Variants in MYOZ2 observed in about 807,000 individuals in gnomAD.
MYOZ2 encodes myozenin-2.
In MYOZ2, 19 loss-of-function variants were observed where a neutral mutation model predicts 25.4. That is an observed-to-expected ratio of 0.75 (90% CI 0.52 to 1.10). The LOEUF (loss-of-function observed/expected upper bound fraction) is 1.10. MYOZ2 is among the 50% of genes least tolerant of loss of function. The probability of loss-of-function intolerance (pLI) is 0.00; values close to 1 mark genes in which losing one functional copy is unlikely to be tolerated. For missense variants in MYOZ2, 270 were observed against 317.9 expected (o/e 0.85, Z 1.15); for synonymous variants, 92 against 106.9 (o/e 0.86, Z 0.86).
At chr4:119,147,858 C>T (rs1006338878) in intron 2 of MYOZ2, among the ~76,000 whole-genome samples, 1 of 151,824 alleles carries the variant, frequency 6.6e-6, no homozygotes, top group African/African-American at 2.4e-5. Context: ...ATTTTGGCTT[C>T]TACAATAAAA....
chr4:119,185,665 G>A (rs1742276726), intron 5 of MYOZ2, among the ~76,000 whole-genome samples: 1 of 152,192 alleles, frequency 6.6e-6, no homozygotes, highest in Non-Finnish European at 1.5e-5. Flanking sequence ...ACAAAGGCAA[G>A]ACATGTCTGT....
chr4:119,168,707 C>A lies in MYOZ2; in HGVS notation c.560+4313C>A, dbSNP rs185919823. Among the ~76,000 whole-genome samples, 804 of 150,382 alleles carry A rather than the reference C, an allele frequency of 5.3e-3. 2 individuals are homozygous for A. Among genetic ancestry groups the A allele is most frequent in the Non-Finnish European group, 8.6e-3 (584 of 67,958 alleles). On this transcript the variant is annotated intron_variant, in intron 5 of 5. Coordinates refer to ENST00000307128, the MANE Select transcript of MYOZ2 (RefSeq NM_016599.5). ...AAAACAACAACAACAACAACAACAA[C>A]AACAAAAAACCACCTGAGCAGATCA...
At chr4:119,146,126 T>C (rs982629132) in intron 2 of MYOZ2, among the ~76,000 whole-genome samples, 2 of 152,204 alleles carry the variant, frequency 1.3e-5, no homozygotes, top group Non-Finnish European at 2.9e-5. Flanking sequence ...ATTTTCCATG[T>C]TAATCTTACT....
chr4:119,182,622 G>T (rs912656391), intron 5 of MYOZ2, among the ~76,000 whole-genome samples: 1 of 152,132 alleles, frequency 6.6e-6, no homozygotes, highest in African/African-American at 2.4e-5. Context: ...TTAGATTCTC[G>T]TAAGGAGCCT....
intron 5 of MYOZ2, among the ~76,000 whole-genome samples, chr4:119,184,743 A>G (rs1742257851): frequency 6.6e-6 from 1 of 152,212 alleles, no homozygotes. Flanking sequence ...TGGGATCTTG[A>G]ATGACAAGAT....
intron 5 of MYOZ2, among the ~76,000 whole-genome samples, chr4:119,178,225 T>C (rs1199557677): frequency 6.6e-6 from 1 of 152,204 alleles, no homozygotes; most frequent in Non-Finnish European, 1.5e-5. Flanking sequence ...CATTGCTGGC[T>C]CCTCCCTTTC....
At chr4:119,175,245 T>A (rs1227355044) in intron 5 of MYOZ2, among the ~76,000 whole-genome samples, 3 of 151,884 alleles carry the variant, frequency 2.0e-5, no homozygotes. Context: ...AAAAACAAAA[T>A]AGAGCTGGAT....
At chr4:119,166,394 G>C (rs929403255) in intron 5 of MYOZ2, among the ~76,000 whole-genome samples, 1 of 151,638 alleles carries the variant, frequency 6.6e-6, no homozygotes, top group African/African-American at 2.4e-5. Context: ...AACATAGTAA[G>C]AACTCAAAAA....
chr4:119,145,059 T>C (rs980631520), intron 2 of MYOZ2, among the ~76,000 whole-genome samples: 19 of 152,156 alleles, frequency 1.2e-4, no homozygotes, highest in Non-Finnish European at 2.4e-4. Flanking sequence ...TTTTCTTCCT[T>C]AGCCCATTAA....
chr4:119,168,784 T>C (rs994096065), intron 5 of MYOZ2, among the ~76,000 whole-genome samples: 1 of 152,224 alleles, frequency 6.6e-6, no homozygotes, highest in Non-Finnish European at 1.5e-5. Flanking sequence ...AGATGGTATC[T>C]ACCCCTGCTG....
At chr4:119,153,663 A>G (rs1475509152) in intron 3 of MYOZ2, among the ~76,000 whole-genome samples, 2 of 152,108 alleles carry the variant, frequency 1.3e-5, no homozygotes, top group Non-Finnish European at 2.9e-5. Context: ...AAGACCTCAT[A>G]TAAATGAAAA....
At chr4:119,154,130 A>G (rs984252098) in intron 3 of MYOZ2, among the ~76,000 whole-genome samples, 1 of 152,148 alleles carries the variant, frequency 6.6e-6, no homozygotes, top group African/African-American at 2.4e-5. Flanking sequence ...GGAACTCTAA[A>G]TATATATTTG....
At chr4:119,170,665 G>A (rs1741929095) in intron 5 of MYOZ2, among the ~76,000 whole-genome samples, 1 of 152,156 alleles carries the variant, frequency 6.6e-6, no homozygotes, top group Non-Finnish European at 1.5e-5. Flanking sequence ...TTAAGATGCA[G>A]AAAAACAGCA....
At position 119,174,358 on chromosome 4, in the gene MYOZ2, CCT is replaced by C. The variant is rs1742009075; in HGVS notation, c.560+9965_560+9966del. 2.0e-5 allele frequency among the ~76,000 whole-genome samples: 3 copies of C among 151,960 alleles called. No individual in the cohort carries two copies. In the South Asian group the frequency reaches 6.2e-4, roughly 32 times the overall value. ...GGTTTGTAAACACACCAGTCAGCAC[CCT>C]GTGTCTAGCTCAGGGTTTGTGAATG... On this transcript the variant is annotated intron_variant, in intron 5 of 5. Transcript: ENST00000307128.
intron 3 of MYOZ2, among the ~76,000 whole-genome samples, chr4:119,152,141 T>C (rs1741467601): frequency 1.3e-5 from 2 of 152,158 alleles, no homozygotes; most frequent in African/African-American, 4.8e-5. Context: ...ATTGATTAAA[T>C]CTAGTTTTAA....
At chr4:119,165,339 T>C (rs1741800392) in intron 5 of MYOZ2, among the ~76,000 whole-genome samples, 2 of 151,372 alleles carry the variant, frequency 1.3e-5, no homozygotes, top group Admixed American at 1.3e-4. Flanking sequence ...GCAAGAACCC[T>C]GTCTCTACAA....
intron 2 of MYOZ2, among the ~76,000 whole-genome samples, chr4:119,146,303 T>C (rs1741290686): frequency 6.6e-6 from 1 of 152,036 alleles, no homozygotes; most frequent in South Asian, 2.1e-4. Flanking sequence ...TTTTAGATTT[T>C]TTGGGGTAGA....
At chr4:119,168,158 G>C (rs563335348) in intron 5 of MYOZ2, among the ~76,000 whole-genome samples, 5 of 152,266 alleles carry the variant, frequency 3.3e-5, no homozygotes, top group Middle Eastern at 6.8e-3. Flanking sequence ...ATTTTTAGTA[G>C]AGACAGGGTT....
chr4:119,175,772 G>C (rs1277550848), intron 5 of MYOZ2, among the ~76,000 whole-genome samples: 1 of 150,916 alleles, frequency 6.6e-6, no homozygotes, highest in African/African-American at 2.4e-5. Flanking sequence ...AAAAAATTTT[G>C]AAGTAGTGGT....
Sources: gnomAD v4.1 joint callset for allele counts (sites outside exome capture counted in the v4.1 genomes callset) on GRCh38, gnomAD v4.1.1 for gene constraint, MANE v1.5 for transcripts, NCBI Gene and HGNC (gene_info 2026-07-23, HGNC 2026-07-21) for gene names.